The following MTUS1 variants were observed in gnomAD, a reference collection of about 807,000 sequenced individuals.
MTUS1 encodes microtubule-associated tumor suppressor 1.
Under a neutral mutation model 120.8 loss-of-function variants are expected in MTUS1, and 109 were observed. The observed-to-expected ratio is 0.90, with a 90% CI of 0.77 to 1.06. The LOEUF (loss-of-function observed/expected upper bound fraction) is 1.06, where lower values mean the gene tolerates loss of function less well. Among genes scored for constraint, MTUS1 ranks in the 50% least tolerant of loss-of-function variants. The pLI, the probability that MTUS1 is intolerant of heterozygous loss-of-function variation, is 0.00. For missense variants in MTUS1, 2,210 were observed against 1,486.3 expected (o/e 1.49, Z -8.01); for synonymous variants, 737 against 550.5 (o/e 1.34, Z -4.74).
At position 17,653,463 on chromosome 8, in the gene MTUS1, G is replaced by C. The variant is rs181719146; in HGVS notation, c.3250C>G (p.Leu1084Val). Residue 1084 changes from leucine to valine, a missense_variant, in exon 11 of 15, where the codon CTT (leucine) becomes GTT (valine). Transcript: ENST00000693296. Reference protein sequence around the residue: ...KKGHEIEKKSLEDLLSEKQES... With the variant: ...KKGHEIEKKSVEDLLSEKQES... ...TGCTTCTCAGAAAGTAAATCTTCAA[G>C]CGATTTCTTTTCTATTTCATGGCCT... The C allele has an allele frequency of 7.0e-4, 1,128 of 1,612,342 alleles. 2 individuals carry two copies. The highest frequency in any genetic ancestry group is 1.4e-3 in the Admixed American group (85 of 59,796).
intron 8 of MTUS1, among the ~76,000 whole-genome samples, chr8:17,672,759 A>C (rs1004034321): frequency 2.6e-5 from 4 of 152,198 alleles, no homozygotes; most frequent in African/African-American, 9.6e-5. Flanking sequence ...CACTGTACCA[A>C]CACTCGGGAG....
chr8:17,681,547 T>C (rs1008121115), intron 7 of MTUS1: 1 of 154,810 alleles, frequency 6.5e-6, no homozygotes, highest in Non-Finnish European at 1.5e-5. Flanking sequence ...AGGATTTAAA[T>C]AAGGTAAGTA....
intron 6 of MTUS1, among the ~76,000 whole-genome samples, chr8:17,687,628 A>G (rs1386822552): frequency 1.3e-5 from 2 of 152,218 alleles, no homozygotes; most frequent in Non-Finnish European, 2.9e-5. Flanking sequence ...GTCAACTTCT[A>G]TATCGATTCA....
intron 3 of MTUS1, among the ~76,000 whole-genome samples, chr8:17,727,325 T>G (rs2046289520): frequency 6.6e-6 from 1 of 152,198 alleles, no homozygotes; most frequent in African/African-American, 2.4e-5. Context: ...ACCCGGCCAG[T>G]GACAGTAAGG....
In MTUS1 at chr8:17,672,905, T is replaced by C. The variant is rs3739410; in HGVS notation, c.2905+2281A>G. Among the ~76,000 whole-genome samples, 8 of 152,322 alleles carry C rather than the reference T, an allele frequency of 5.3e-5. No homozygotes were observed. In the East Asian group the frequency reaches 1.5e-3, roughly 29 times the overall value. ...CTGAATCCCTGGGCCCCAACTGCGG[T>C]TGCTTAATTGTGCTGTCCACTAAAA... On this transcript the variant is annotated intron_variant, in intron 8 of 14. Transcript: ENST00000693296.
intron 1 of MTUS1, among the ~76,000 whole-genome samples, chr8:17,772,470 C>T (rs978386057): frequency 4.6e-5 from 7 of 152,176 alleles, no homozygotes; most frequent in African/African-American, 1.2e-4. Context: ...ATTATATCTG[C>T]TAAAACATAA....
chr8:17,698,771 T>A (rs750906142), intron 6 of MTUS1, among the ~76,000 whole-genome samples: 7 of 152,090 alleles, frequency 4.6e-5, no homozygotes, highest in Non-Finnish European at 1.5e-5. Flanking sequence ...ATTTTAGAGG[T>A]TGTCAGCAAG....
In MTUS1 at chr8:17,753,790, C is replaced by T. The variant is rs1586176552; in HGVS notation, c.2018G>A (p.Gly673Glu). 3.1e-6 allele frequency: 5 copies of T among 1,613,438 alleles called. No individual in the cohort carries two copies. Among genetic ancestry groups the T allele is most frequent in the Non-Finnish European group, 2.5e-6 (3 of 1,179,900 alleles). The stretch of plus-strand genomic sequence containing the variant: ...CAGCTCTTGTTTTTCCATAGATGTC[C>T]CATTTTCTTTTTCACCCTTCTTTTC... ...SPEKKGEKEN[G>E]TSMEKQELKQ... Residue 673 changes from glycine to glutamate, a missense_variant, in exon 2 of 15, where the codon GGG (glycine) becomes GAG (glutamate). By Grantham distance (98) the Gly-to-Glu change is moderately conservative. Coordinates refer to ENST00000693296, the MANE Select transcript of MTUS1 (RefSeq NM_001363059.2).
chr8:17,662,542 G>T (rs1809983857), intron 8 of MTUS1, among the ~76,000 whole-genome samples: 1 of 151,826 alleles, frequency 6.6e-6, no homozygotes, highest in African/African-American at 2.4e-5. Flanking sequence ...TTTTAGTAGA[G>T]ATGGGGTTTC....
Position 17,755,473 on chromosome 8 carries a change from T to C in MTUS1, c.335A>G (p.Glu112Gly). 2 of 1,614,224 alleles carry C rather than the reference T, an allele frequency of 1.2e-6. No individual in the cohort carries two copies. Among genetic ancestry groups the C allele is most frequent in the Admixed American group, 1.7e-5 (1 of 60,020 alleles). The change falls in exon 2 of 15, where the codon GAG becomes GGG. Residue 112 changes from glutamate (E) to glycine (G), a missense_variant. Transcript: ENST00000693296. The stretch of plus-strand genomic sequence containing the variant: ...ACTGTGTTGCAGATATTTGGGCTTC[T>C]CAGTACCTACAAGTGCAGGACACTG... ...ICQCPALVGT[E>G]KPKYLQHSCH...
intron 1 of MTUS1, chr8:17,758,313 G>C (rs373696180): frequency 6.6e-6 from 1 of 152,080 alleles, no homozygotes; most frequent in Non-Finnish European, 1.5e-5. Flanking sequence ...GCCTTTAATG[G>C]AATAAAGAAA....
At chr8:17,768,066 C>A (rs917984710) in intron 1 of MTUS1, among the ~76,000 whole-genome samples, 36 of 152,186 alleles carry the variant, frequency 2.4e-4, no homozygotes, top group African/African-American at 8.7e-4. Context: ...GTGCCCAATA[C>A]AGGTCTGTTG....
Position 17,684,376 on chromosome 8 carries a change from A to G in MTUS1, c.2790T>C (p.Asn930=), listed in dbSNP as rs374128471. 7.4e-5 allele frequency: 119 copies of G among 1,614,090 alleles called. 1 individual carries two copies. Among genetic ancestry groups the G allele is most frequent in the Non-Finnish European group, 4.5e-5 (53 of 1,180,048 alleles). ...CAACTGTCAATGCCTCAAACTTGGT[A>G]TTACCACAGGCAAGAAGCTGCTTGA... ...LQLKQLLACG[N]TKFEALTVVI... is the part of the protein sequence containing the mutation. Residue 930 remains asparagine (N), a synonymous_variant, in exon 7 of 15, where the codon AAT becomes AAC. Transcript: ENST00000693296.
intron 1 of MTUS1, among the ~76,000 whole-genome samples, chr8:17,759,712 CA>C (rs1308506261): frequency 6.7e-6 from 1 of 149,884 alleles, no homozygotes; most frequent in Non-Finnish European, 1.5e-5. Context: ...ATACTGTGGT[CA>C]GCATTGTCTC....
rs1161215624 is a variant in MTUS1 at position 17,736,793 on chromosome 8, C to G, written c.2287+6811G>C. Among the ~76,000 whole-genome samples the G allele has an allele frequency of 6.6e-5, 10 of 152,222 alleles. No homozygotes were observed. In the East Asian group the frequency reaches 1.9e-3, roughly 30 times the overall value. On this transcript the variant is annotated intron_variant, in intron 3 of 14. Transcript: ENST00000693296. ...AGAGATGGGGTTTCACCATCTTGGC[C>G]AGGCTGGTCTCGAACTTCTGACCTC...
At chr8:17,723,192 A>G (rs907153161) in intron 4 of MTUS1, 7 of 173,452 alleles carry the variant, frequency 4.0e-5, no homozygotes, top group African/African-American at 1.7e-4. Flanking sequence ...AAATTCACTC[A>G]TTTATACACA....
At chr8:17,746,440 T>C (rs13282340) in intron 2 of MTUS1, among the ~76,000 whole-genome samples, 28,501 of 152,008 alleles carry the variant, frequency 0.19, 4,159 homozygotes, top group East Asian at 0.77. Context: ...GGGCTCAGAG[T>C]TCCACGTGGC....
chr8:17,723,338 T>G, intron 4 of MTUS1: 1 of 335,338 alleles, frequency 3.0e-6, no homozygotes, highest in Non-Finnish European at 5.8e-6. Context: ...GATAGTCTTT[T>G]GCAAAGTAAA....
At chr8:17,790,567 T>A (rs961079306) in intron 1 of MTUS1, among the ~76,000 whole-genome samples, 3 of 152,240 alleles carry the variant, frequency 2.0e-5, no homozygotes, top group Non-Finnish European at 4.4e-5. Flanking sequence ...TGTCAATTTT[T>A]CACTTGTGCT....
Sources: gnomAD v4.1 joint callset for allele counts (sites outside exome capture counted in the v4.1 genomes callset) on GRCh38, gnomAD v4.1.1 for gene constraint, MANE v1.5 for transcripts, NCBI Gene and HGNC (gene_info 2026-07-23, HGNC 2026-07-21) for gene names.